The following CNOT9 variants were observed in gnomAD, a reference collection of about 807,000 sequenced individuals.
The protein encoded by CNOT9 is RCD1 required for cell differentiation1 homolog.
Under a neutral mutation model 37.4 loss-of-function variants are expected in CNOT9, and 8 were observed. The observed-to-expected ratio is 0.21, with a 90% CI of 0.13 to 0.39. CNOT9 has a LOEUF of 0.39. CNOT9 is among the 10% of genes least tolerant of loss of function. CNOT9 has a pLI of 1.00. For synonymous variants in CNOT9, 120 were observed against 137.6 expected, an observed-to-expected ratio of 0.87 and a Z score of 0.90; for missense variants, 154 against 365.3, an observed-to-expected ratio of 0.42 and a Z score of 4.71.
rs551427215 is a variant in CNOT9 at position 218,579,632 on chromosome 2, G to A, written c.25-929G>A. Among the ~76,000 whole-genome samples the A allele has an allele frequency of 3.4e-5, 5 of 148,908 alleles. No individual in the cohort carries two copies. The South Asian group carries it at 6.5e-4, about 19-fold the overall frequency. ...CTCCAGAGTAGCTGGGACTACAGGC[G>A]CCTGCCACCACGCCCAGCTAATTTT... On this transcript the variant is annotated intron_variant, in intron 1 of 7. Transcript: ENST00000273064.
In CNOT9 at chr2:218,568,865, C is replaced by T; in HGVS notation, c.-90C>T. ...AGCCGGAGTCGGATGGCGGCTACGGCGGCTCATTGTTTTCCGCTGCAGGGG... is the reference window on the plus strand; with the variant it reads ...AGCCGGAGTCGGATGGCGGCTACGGTGGCTCATTGTTTTCCGCTGCAGGGG... On this transcript the variant is annotated 5_prime_UTR_variant, in exon 1 of 8. Coordinates refer to ENST00000273064, the MANE Select transcript of CNOT9 (RefSeq NM_005444.3). 1.4e-6 allele frequency: 2 copies of T among 1,445,692 alleles called. No individual in the cohort carries two copies. 89.6% of individuals were successfully genotyped at this position (1,445,692 alleles called of 1,614,324 possible). A position where few individuals can be genotyped will look rare whatever the true frequency, so the allele number is the denominator to read the frequency against.
intron 5 of CNOT9, among the ~76,000 whole-genome samples, chr2:218,588,427 T>C (rs902259391): frequency 6.6e-6 from 1 of 151,682 alleles, no homozygotes; most frequent in African/African-American, 2.4e-5. Flanking sequence ...TAGCTGGGAC[T>C]ACAGGCATGT....
intron 2 of CNOT9, chr2:218,580,987 TC>T (rs1327243391): frequency 1.6e-5 from 9 of 580,530 alleles, no homozygotes; most frequent in Middle Eastern, 2.7e-4. Context: ...CACTTTCACC[TC>T]CCCCAGGTGA....
intron 3 of CNOT9, 122 bp from the exon 4 acceptor site, chr2:218,584,490 C>T: frequency 5.2e-6 from 4 of 769,368 alleles, no homozygotes; most frequent in South Asian, 4.5e-5. Flanking sequence ...ACATTGTTTT[C>T]CTAAGGATTC....
At chr2:218,588,135 T>G (rs1559249478) in intron 5 of CNOT9, among the ~76,000 whole-genome samples, 1 of 152,180 alleles carries the variant, frequency 6.6e-6, no homozygotes, top group African/African-American at 2.4e-5. Flanking sequence ...CAGACCTCCA[T>G]TGCCATAGTC....
intron 1 of CNOT9, among the ~76,000 whole-genome samples, chr2:218,578,846 T>A (rs1694266076): frequency 6.6e-6 from 1 of 152,180 alleles, no homozygotes; most frequent in African/African-American, 2.4e-5. Context: ...GTCACAAACA[T>A]ATTTGATGAC....
chr2:218,580,506 A>G (rs942014374), intron 1 of CNOT9, 55 bp from the exon 2 acceptor site: 22 of 1,458,608 alleles, frequency 1.5e-5, no homozygotes, highest in Non-Finnish European at 1.9e-5. Context: ...GTTGCAGGGT[A>G]AGACTTGGTT....
At position 218,568,903 on chromosome 2, in the gene CNOT9, G is replaced by T. The variant is rs1202390235; in HGVS notation, c.-52G>T. 2 of 1,589,358 alleles carry T rather than the reference G, an allele frequency of 1.3e-6. No individual in the cohort carries two copies. The highest frequency in any genetic ancestry group is 1.3e-5 in the African/African-American group (1 of 74,426). ...TCCGCTGCAGGGGTGCTGAAGGGGG[G>T]ACGCGGGTCGGACGCGTCCGGCTGT... On this transcript the variant is annotated 5_prime_UTR_variant, in exon 1 of 8. Transcript: ENST00000273064.
intron 5 of CNOT9, among the ~76,000 whole-genome samples, chr2:218,587,914 A>G (rs1694644186): frequency 6.6e-6 from 1 of 152,218 alleles, no homozygotes; most frequent in African/African-American, 2.4e-5. Flanking sequence ...ATCTCACTCC[A>G]CAGGTAAATT....
Position 218,592,630 on chromosome 2 carries a change from G to A in CNOT9, c.654G>A (p.Leu218=). 6.2e-7 allele frequency: 1 copy of A among 1,614,130 alleles called. No homozygotes were observed. Among genetic ancestry groups the A allele is most frequent in the South Asian group, 1.1e-5 (1 of 91,080 alleles). The change falls in exon 7 of 8, where the codon CTG becomes CTA. Residue 218 remains leucine (L), a synonymous_variant. Transcript: ENST00000273064. This position sits in a 1 kb window ranked among gnomAD's most constrained non-coding sequence, Gnocchi z 4.1. ...GGGGGAAACAGGGTAAGATGGTCCTGCAGCTATCCAAAGAGCCTTCTGCCC... is the reference window on the plus strand; with the variant it reads ...GGGGGAAACAGGGTAAGATGGTCCTACAGCTATCCAAAGAGCCTTCTGCCC... The part of the protein sequence containing the change: ...HVAMILGKMV[L]QLSKEPSARL...
rs1405490039 is a variant in CNOT9, at chr2:218,592,272, T to C, written c.541-32T>C. ...AATGAGAAGATTAAATCTGAGCAAC[T>C]TTATAAACTCTTCGATTTTGTTTTG... On this transcript the variant is annotated intron_variant, in intron 5 of 7. Transcript: ENST00000273064. This position sits in a 1 kb window ranked among gnomAD's most constrained non-coding sequence, Gnocchi z 4.1. 6.6e-7 allele frequency: 1 copy of C among 1,518,006 alleles called. No homozygotes were observed. Among genetic ancestry groups the C allele is most frequent in the Admixed American group, 1.7e-5 (1 of 58,404 alleles). The allele number at this position is 1,518,006 out of a possible 1,614,324, so 94.0% of individuals were successfully genotyped here.
intron 1 of CNOT9, chr2:218,574,249 T>C (rs1192590068): frequency 9.4e-6 from 2 of 213,394 alleles, no homozygotes; most frequent in East Asian, 1.6e-4. Flanking sequence ...AACCTGTCTC[T>C]GTGCCTGGCC....
At chr2:218,569,737 C>G (rs1000079946) in intron 1 of CNOT9, among the ~76,000 whole-genome samples, 8 of 152,206 alleles carry the variant, frequency 5.3e-5, no homozygotes, top group African/African-American at 1.9e-4. Flanking sequence ...CCAAGATGCA[C>G]TTTGTGGTCT....
At chr2:218,589,245 T>C (rs1694696782) in intron 5 of CNOT9, 1 of 152,194 alleles carries the variant, frequency 6.6e-6, no homozygotes, top group South Asian at 2.1e-4. Context: ...AATTTGTGTA[T>C]TATCTTCGCA....
At chr2:218,590,147 A>G (rs757656629) in intron 5 of CNOT9, among the ~76,000 whole-genome samples, 25 of 151,858 alleles carry the variant, frequency 1.6e-4, no homozygotes, top group Non-Finnish European at 2.9e-4. Flanking sequence ...GGCTCATTGC[A>G]ACCTCTGCCT....
In CNOT9 at chr2:218,583,225, GTGTGTGTGTCTCTCTCTC is replaced by G. The variant is rs1251471247; in HGVS notation, c.320+141_320+158del. The G allele has an allele frequency of 2.2e-3, 713 of 322,348 alleles. 3 individuals carry two copies. Among genetic ancestry groups the G allele is most frequent in the African/African-American group, 0.019 (591 of 31,694 alleles). 20.0% of individuals were successfully genotyped at this position (322,348 alleles called of 1,614,324 possible). ...TGTGTGTGTGTGTGTGTGTGTGTGT[GTGTGTGTGTCTCTCTCTC>G]TCTCTCTCTCTCTCTCTCTCTCTCT... is the stretch of plus-strand genomic sequence containing the variant. On this transcript the variant is annotated intron_variant, in intron 3 of 7. Coordinates refer to ENST00000273064, the MANE Select transcript of CNOT9 (RefSeq NM_005444.3).
intron 1 of CNOT9, chr2:218,574,047 G>A (rs564370987): frequency 3.3e-5 from 14 of 429,732 alleles, no homozygotes; most frequent in Middle Eastern, 7.3e-4. Context: ...TTGGCTCACC[G>A]CAACCTCGAC....
chr2:218,572,244 C>G (rs1056282643), intron 1 of CNOT9, among the ~76,000 whole-genome samples: 3 of 152,036 alleles, frequency 2.0e-5, no homozygotes, highest in African/African-American at 7.2e-5. Flanking sequence ...TCACTTGAAC[C>G]CAGGATGTGG....
chr2:218,591,920 A>G (rs1465133699), intron 5 of CNOT9, among the ~76,000 whole-genome samples: 1 of 152,136 alleles, frequency 6.6e-6, no homozygotes, highest in Non-Finnish European at 1.5e-5. Context: ...AACCTGGTGC[A>G]TTATTGATTA....
Sources: gnomAD v4.1 joint callset for allele counts (sites outside exome capture counted in the v4.1 genomes callset) on GRCh38, gnomAD v4.1.1 for gene constraint, Gnocchi (gnomAD v3.1) non-coding constraint, MANE v1.5 for transcripts, NCBI Gene and HGNC (gene_info 2026-07-23, HGNC 2026-07-21) for gene names.